ADAR: variants seen among roughly 807,000 people sequenced by gnomAD.
The protein encoded by ADAR is double-stranded RNA-specific adenosine deaminase.
ADAR carries 41 observed loss-of-function variants against 113.2 expected under a neutral mutation model. That is an observed-to-expected ratio of 0.36 (90% CI 0.28 to 0.47). The LOEUF is 0.47. ADAR is among the 20% of genes least tolerant of loss of function. ADAR has a pLI of 1.00. For synonymous variants in ADAR, 605 were observed against 572.6 expected, an observed-to-expected ratio of 1.06 and a Z score of -0.81; for missense variants, 1,242 against 1,540.9, an observed-to-expected ratio of 0.81 and a Z score of 3.25.
chr1:154,594,232 T>G (rs1697349481), intron 6 of ADAR, among the ~76,000 whole-genome samples: 1 of 152,184 alleles, frequency 6.6e-6, no homozygotes, highest in Non-Finnish European at 1.5e-5. Context: ...AGATAGCATT[T>G]TTATAAGCTT....
intron 6 of ADAR, among the ~76,000 whole-genome samples, chr1:154,593,458 C>A: frequency 6.6e-6 from 1 of 152,196 alleles, no homozygotes; most frequent in African/African-American, 2.4e-5. Context: ...TTTTTTGTAT[C>A]TTCCATCTAG....
rs1127311 is a variant in ADAR at position 154,584,187 on chromosome 1, G to A, written c.*619C>T. On this transcript the variant is annotated 3_prime_UTR_variant, in exon 15 of 15. Transcript: ENST00000368474. The stretch of plus-strand genomic sequence containing the variant: ...AAAGTGCAGGATGGGAGGATGGCTG[G>A]GCATTATCTGCAGGCTCCAATCACA... The A allele has an allele frequency of 0.42, 63,816 of 152,404 alleles. 14,289 individuals are homozygous for A. Among genetic ancestry groups the A allele is most frequent in the East Asian group, 0.55 (2,862 of 5,176 alleles). The allele number at this position is 152,404 out of a possible 1,614,324, so 9.4% of individuals were successfully genotyped here.
In ADAR at chr1:154,593,149, A is replaced by AAAAAG. The variant is rs1553210406; in HGVS notation, c.2271-2741_2271-2740insCTTTT. Among the ~76,000 whole-genome samples the AAAAAG allele has an allele frequency of 1.6e-3, 248 of 151,206 alleles. 1 individual carries two copies. The highest frequency in any genetic ancestry group is 5.7e-3 in the African/African-American group (236 of 41,276). ...GACTCCATCTCCAAAAAAAAAAAAAAAAAAAAACAGAAAAGAAGTCATAAA... is the reference window on the plus strand; with the variant it reads ...GACTCCATCTCCAAAAAAAAAAAAAAAAAAGAAAAAAACAGAAAAGAAGTCATAAA... On this transcript the variant is annotated intron_variant, in intron 6 of 14. Coordinates refer to ENST00000368474, the MANE Select transcript of ADAR (RefSeq NM_001111.5).
rs565510254 is a variant in ADAR at position 154,600,714 on chromosome 1, TG to T, written c.1601+326del. The T allele has an allele frequency of 2.1e-3, 780 of 373,776 alleles. 8 individuals are homozygous for T. The highest frequency in any genetic ancestry group is 1.4e-3 in the Non-Finnish European group (275 of 196,020). The allele number at this position is 373,776 out of a possible 1,614,324, so 23.2% of individuals were successfully genotyped here. A position where few individuals can be genotyped will look rare whatever the true frequency, so the allele number is the denominator to read the frequency against. ...GTCTCAAACTCCTGACCTCGTGATA[TG>T]CCTGCCTCGGCCTCAAAAAGTGCTG... On this transcript the variant is annotated intron_variant, in intron 2 of 14. Coordinates refer to ENST00000368474, the MANE Select transcript of ADAR (RefSeq NM_001111.5).
intron 1 of ADAR, among the ~76,000 whole-genome samples, chr1:154,607,574 G>A (rs1359949775): frequency 4.6e-5 from 7 of 152,166 alleles, no homozygotes; most frequent in Non-Finnish European, 8.8e-5. Flanking sequence ...GAGACGATGT[G>A]TCTGCCTTGA....
chr1:154,607,611 C>CG (rs962520446), intron 1 of ADAR, among the ~76,000 whole-genome samples: 3 of 152,116 alleles, frequency 2.0e-5, no homozygotes, highest in Non-Finnish European at 4.4e-5. Flanking sequence ...CCTACTCAGA[C>CG]GGGGGCGCAT....
At chr1:154,611,625 G>A (rs565088608), upstream of ADAR, among the ~76,000 whole-genome samples, 7 of 152,124 alleles carry the variant, frequency 4.6e-5, no homozygotes, top group African/African-American at 7.2e-5. Flanking sequence ...CCTACCCTTC[G>A]AGCATTTTCC....
chr1:154,610,874 AAG>A, upstream of ADAR, among the ~76,000 whole-genome samples: 1 of 149,514 alleles, frequency 6.7e-6, no homozygotes, highest in Non-Finnish European at 1.5e-5. Flanking sequence ...TCTAGGGAGA[AAG>A]GTGGGAGTTT....
At chr1:154,612,650 G>A (rs1698520550), upstream of ADAR, among the ~76,000 whole-genome samples, 1 of 151,778 alleles carries the variant, frequency 6.6e-6, no homozygotes, top group Admixed American at 6.6e-5. Flanking sequence ...TTAAGTACCA[G>A]GGCATCATTT....
intron 2 of ADAR, chr1:154,600,810 C>T: frequency 3.2e-6 from 2 of 615,404 alleles, no homozygotes; most frequent in Non-Finnish European, 5.7e-6. Flanking sequence ...TTACAGCCAA[C>T]AGAGTCAACC....
chr1:154,627,556 C>T (rs893891129), intron 1 of ADAR, among the ~76,000 whole-genome samples: 3 of 152,232 alleles, frequency 2.0e-5, no homozygotes, highest in African/African-American at 4.8e-5. Flanking sequence ...TGCTGGGCTC[C>T]GGCTGGCACG....
intron 10 of ADAR, 68 bp downstream of exon 10, chr1:154,588,483 A>G: frequency 6.2e-7 from 1 of 1,601,040 alleles, no homozygotes. Flanking sequence ...AGGCCAGGAG[A>G]GCATTTGGAT....
In ADAR at chr1:154,596,943, T is replaced by TTGGG. The variant is rs2101619771; in HGVS notation, c.2128_2131dup (p.Asn711ThrfsTer34). 3 of 1,614,142 alleles carry TTGGG rather than the reference T, an allele frequency of 1.9e-6. No individual in the cohort carries two copies. The highest frequency in any genetic ancestry group is 8.5e-7 in the Non-Finnish European group (1 of 1,180,018). ...GAGCTCGCCAATCTTCCTGACCTTG[T>TTGGG]TGGGCATCATGGATTCCAAGTTATC... On this transcript the variant is annotated frameshift_variant, in exon 6 of 15. Transcript: ENST00000368474. LOFTEE classifies it high-confidence loss of function.
upstream of ADAR, among the ~76,000 whole-genome samples, chr1:154,609,920 G>A (rs1049887286): frequency 2.0e-5 from 3 of 152,122 alleles, no homozygotes; most frequent in Non-Finnish European, 2.9e-5. Flanking sequence ...TCATCTCCTC[G>A]GGGGCAGGAA....
chr1:154,590,295 C>T lies in ADAR; in HGVS notation c.2385G>A (p.Glu795=). 6.2e-7 allele frequency: 1 copy of T among 1,614,172 alleles called. No homozygotes were observed. Residue 795 remains glutamate (E), a synonymous_variant, in exon 7 of 15, where the codon GAG becomes GAA. Transcript: ENST00000368474. ...ADAALRVLIG[E]NEKAERMGFT... ...AACCCATGCGTTCTGCCTTCTCGTT[C>T]TCCCCAATCAAGACACGGAGAGCCG... is the stretch of plus-strand genomic sequence containing the variant.
Position 154,584,515 on chromosome 1 carries a change from A to G in ADAR, c.*291T>C. 5.0e-6 allele frequency: 2 copies of G among 399,282 alleles called. No homozygotes were observed. The highest frequency in any genetic ancestry group is 9.0e-6 in the Non-Finnish European group (2 of 221,762). The allele number at this position is 399,282 out of a possible 1,614,324, so 24.7% of individuals were successfully genotyped here. A position where few individuals can be genotyped will look rare whatever the true frequency, so the allele number is the denominator to read the frequency against. On this transcript the variant is annotated 3_prime_UTR_variant, in exon 15 of 15. Coordinates refer to ENST00000368474, the MANE Select transcript of ADAR (RefSeq NM_001111.5). Reference sequence around the variant, plus strand: ...AAACAAAACTTTTAAGAGGAAATGGACCGCAGGTGCTCAGTGACTATGTAT... The same window carrying G: ...AAACAAAACTTTTAAGAGGAAATGGGCCGCAGGTGCTCAGTGACTATGTAT...
intron 4 of ADAR, 150 bp downstream of exon 4, chr1:154,597,678 A>G: frequency 1.9e-6 from 2 of 1,028,722 alleles, no homozygotes; most frequent in Non-Finnish European, 3.0e-6. Context: ...CTGCCTCACA[A>G]GCAGCAACCA....
At chr1:154,610,824 G>GAAAAAAAAAAAAAAAAAAAAAAAA (rs1298389364), upstream of ADAR, among the ~76,000 whole-genome samples, 3 of 65,202 alleles carry the variant, frequency 4.6e-5, no homozygotes, top group Non-Finnish European at 8.1e-5. Context: ...AAAAAAAAAA[G>GAAAAAAAAAAAAAAAAAAAAAAAA]AAAAAAAAAA....
At chr1:154,619,685 C>T (rs1698735479) in intron 1 of ADAR, among the ~76,000 whole-genome samples, 1 of 152,160 alleles carries the variant, frequency 6.6e-6, no homozygotes, top group South Asian at 2.1e-4. Flanking sequence ...AGTTCACAGT[C>T]TAGTAATGGG....
Sources: gnomAD v4.1 joint callset for allele counts (sites outside exome capture counted in the v4.1 genomes callset) on GRCh38, gnomAD v4.1.1 for gene constraint, MANE v1.5 for transcripts, NCBI Gene and HGNC (gene_info 2026-07-23, HGNC 2026-07-21) for gene names.